The following RPL23A variants were observed in gnomAD, a reference collection of about 807,000 sequenced individuals.
RPL23A encodes the protein ribosomal protein L23a.
RPL23A carries 2 observed loss-of-function variants against 17.6 expected under a neutral mutation model. That is an observed-to-expected ratio of 0.11 (90% CI 0.05 to 0.36). The LOEUF is 0.36. RPL23A is among the 10% of genes least tolerant of loss of function. The probability of loss-of-function intolerance (pLI) is 1.00; values close to 1 mark genes in which losing one functional copy is unlikely to be tolerated. For synonymous variants in RPL23A, 65 were observed against 74.3 expected (o/e 0.87, Z 0.65); for missense variants, 132 against 194.4 (o/e 0.68, Z 1.91).
chr17:28,720,468 T>A (rs2034094518), intron 1 of RPL23A: 5 of 1,606,540 alleles, frequency 3.1e-6, no homozygotes, highest in Non-Finnish European at 4.3e-6. Context: ...CTGGAAAGTA[T>A]CAAGCGTTCA....
At chr17:28,723,477 G>A (rs757080864) in intron 3 of RPL23A, 94 bp from the exon 4 acceptor site, 12 of 879,702 alleles carry the variant, frequency 1.4e-5, no homozygotes, top group Non-Finnish European at 2.4e-5. Flanking sequence ...CATGAACAAA[G>A]GAACCACTGA....
intron 2 of RPL23A, 55 bp downstream of exon 2, chr17:28,720,945 T>G (rs1392524283): frequency 6.7e-7 from 1 of 1,492,580 alleles, no homozygotes; most frequent in Non-Finnish European, 9.3e-7. Context: ...CATTGGTAAT[T>G]TGGAAATTCA....
At chr17:28,721,646 G>C (rs759475652) in intron 2 of RPL23A, 15 of 152,146 alleles carry the variant, frequency 9.9e-5, no homozygotes, top group East Asian at 9.6e-4. Flanking sequence ...GGAACAGTTG[G>C]GGGGGAATGG....
In RPL23A at chr17:28,722,914, A is replaced by G; in HGVS notation, c.386+15A>G. 6.2e-7 allele frequency: 1 copy of G among 1,611,770 alleles called. No homozygotes were observed. Among genetic ancestry groups the G allele is most frequent in the Non-Finnish European group, 8.5e-7 (1 of 1,178,174 alleles). On this transcript the variant is annotated intron_variant, in intron 3 of 4. Transcript: ENST00000422514. ...ACCCTGATTCGGTGAGTTGGGCCTC[A>G]AGGGATGGGGAGCAGGCTGGACCAG...
At chr17:28,721,954 G>A (rs937044748) in intron 2 of RPL23A, 2 of 152,088 alleles carry the variant, frequency 1.3e-5, no homozygotes, top group Admixed American at 1.3e-4. Context: ...ATAAGAATTT[G>A]CTCGTGGCTG....
In RPL23A at chr17:28,723,524, G is replaced by C. The variant is rs771317020; in HGVS notation, c.387-47G>C. The C allele has an allele frequency of 1.9e-5, 26 of 1,357,792 alleles. No individual in the cohort carries two copies. The South Asian group carries it at 2.6e-4, about 13-fold the overall frequency. 84.1% of individuals were successfully genotyped at this position (1,357,792 alleles called of 1,614,324 possible). ...ACTGGAGGAGGAAGGGGGAGGGTGT[G>C]GGGGCAGTGAGGGTGGCAGGGACTA... On this transcript the variant is annotated intron_variant, in intron 3 of 4. Transcript: ENST00000422514.
In RPL23A at chr17:28,723,941, T is replaced by G; in HGVS notation, c.*60T>G. On this transcript the variant is annotated 3_prime_UTR_variant, in exon 5 of 5. Coordinates refer to ENST00000422514, the MANE Select transcript of RPL23A (RefSeq NM_000984.6). ...TATATATATCTTTTCACCATATACA[T>G]GCCTGTCTGTCAATTTCTGGTTGGG... is the stretch of plus-strand genomic sequence containing the variant. 8 of 1,230,824 alleles carry G rather than the reference T, an allele frequency of 6.5e-6. No individual in the cohort carries two copies. Among genetic ancestry groups the G allele is most frequent in the Non-Finnish European group, 9.1e-6 (8 of 881,078 alleles). 76.2% of individuals were successfully genotyped at this position (1,230,824 alleles called of 1,614,324 possible).
chr17:28,720,114 G>A, intron 1 of RPL23A, 84 bp downstream of exon 1: 1 of 1,538,872 alleles, frequency 6.5e-7, no homozygotes, highest in Non-Finnish European at 8.8e-7. Flanking sequence ...CGGCTGCTGG[G>A]CTAAGCCCTG....
At chr17:28,722,662 C>G in intron 2 of RPL23A, 61 bp from the exon 3 acceptor site, 1 of 1,422,852 alleles carries the variant, frequency 7.0e-7, no homozygotes, top group South Asian at 1.1e-5. Context: ...CCTAGGCTCT[C>G]CTGGCTCTGG....
At chr17:28,723,213 G>T in intron 3 of RPL23A, 1 of 532,884 alleles carries the variant, frequency 1.9e-6, no homozygotes, top group Non-Finnish European at 3.4e-6. Flanking sequence ...TGAGCCTTGA[G>T]GCAGGAATTA....
At chr17:28,723,755 CT>C (rs771857154) in intron 4 of RPL23A, 111 bp from the exon 5 acceptor site, 26 of 1,356,198 alleles carry the variant, frequency 1.9e-5, no homozygotes, top group Non-Finnish European at 2.5e-5. Flanking sequence ...GACTGCACCC[CT>C]ATCCTTGACA....
At chr17:28,720,147 C>T (rs2034078048) in intron 1 of RPL23A, 117 bp downstream of exon 1, 2 of 1,528,626 alleles carry the variant, frequency 1.3e-6, no homozygotes, top group Non-Finnish European at 1.8e-6. Flanking sequence ...CGGGGCTGCT[C>T]CCTGCGTTTC....
chr17:28,722,911 C>T lies in RPL23A; in HGVS notation c.386+12C>T. The T allele has an allele frequency of 1.2e-6, 2 of 1,612,124 alleles. No homozygotes were observed. Among genetic ancestry groups the T allele is most frequent in the South Asian group, 1.1e-5 (1 of 90,996 alleles). On this transcript the variant is annotated intron_variant, in intron 3 of 4. Transcript: ENST00000422514. ...AACACCCTGATTCGGTGAGTTGGGC[C>T]TCAAGGGATGGGGAGCAGGCTGGAC...
intron 2 of RPL23A, chr17:28,722,056 T>G (rs1478147145): frequency 1.3e-5 from 2 of 153,072 alleles, no homozygotes; most frequent in Non-Finnish European, 2.9e-5. Flanking sequence ...CCATCGTGGC[T>G]AACACGGTGA....
chr17:28,722,551 G>A (rs767387320), intron 2 of RPL23A, 172 bp from the exon 3 acceptor site: 2 of 770,460 alleles, frequency 2.6e-6, no homozygotes, highest in Non-Finnish European at 4.8e-6. Flanking sequence ...TTCTGCCCCT[G>A]GGATTGGGGC....
At position 28,720,702 on chromosome 17, in the gene RPL23A, C is replaced by T. The variant is rs770118283; in HGVS notation, c.26-5C>T. The T allele has an allele frequency of 4.5e-5, 73 of 1,613,966 alleles. No individual in the cohort carries two copies. The highest frequency in any genetic ancestry group is 5.8e-5 in the Non-Finnish European group (68 of 1,179,984). On this transcript the variant is annotated splice_polypyrimidine_tract_variant and splice_region_variant and intron_variant, in intron 1 of 4. Coordinates refer to ENST00000422514, the MANE Select transcript of RPL23A (RefSeq NM_000984.6). ...GCACCCACGTTTTCTTTCCTTTTCTCCCAGCTCCTGCCCCTCCTAAAGCTG... is the reference window on the plus strand; with the variant it reads ...GCACCCACGTTTTCTTTCCTTTTCTTCCAGCTCCTGCCCCTCCTAAAGCTG...
chr17:28,723,905 G>GAA lies in RPL23A; in HGVS notation c.*25_*26dup, dbSNP rs1188948180. Reference sequence around the variant, plus strand: ...AAACTGAGTCCAGCTGCCTAATTCTGAATATATATATATATATATCTTTTC... The same window carrying GAA: ...AAACTGAGTCCAGCTGCCTAATTCTGAAAATATATATATATATATATCTTTTC... On this transcript the variant is annotated 3_prime_UTR_variant, in exon 5 of 5. Transcript: ENST00000422514. 6.7e-7 allele frequency: 1 copy of GAA among 1,499,404 alleles called. No homozygotes were observed. The highest frequency in any genetic ancestry group is 1.7e-5 in the Admixed American group (1 of 58,034). 92.9% of individuals were successfully genotyped at this position (1,499,404 alleles called of 1,614,324 possible). A position where few individuals can be genotyped will look rare whatever the true frequency, so the allele number is the denominator to read the frequency against.
At chr17:28,723,770 C>T (rs954216735) in intron 4 of RPL23A, 97 bp from the exon 5 acceptor site, 2 of 1,392,018 alleles carry the variant, frequency 1.4e-6, no homozygotes, top group African/African-American at 2.8e-5. Context: ...CTTGACAAAC[C>T]TTATCCTCAC....
In RPL23A at chr17:28,724,306, C is replaced by G. The variant is rs971863796; in HGVS notation, c.*425C>G. The G allele has an allele frequency of 1.4e-6, 1 of 708,544 alleles. No homozygotes were observed. Among genetic ancestry groups the G allele is most frequent in the African/African-American group, 1.8e-5 (1 of 56,638 alleles). 43.9% of individuals were successfully genotyped at this position (708,544 alleles called of 1,614,324 possible). ...CACCCATCTACTATGTCCAACCGGT[C>G]TGTCTGCTTCCCTCACCCCTTGCCC... is the stretch of plus-strand genomic sequence containing the variant. On this transcript the variant is annotated 3_prime_UTR_variant, in exon 5 of 5. Transcript: ENST00000422514.
Sources: allele counts gnomAD v4.1 joint callset, GRCh38; gene constraint gnomAD v4.1.1; transcripts MANE v1.5; gene names NCBI Gene and HGNC (gene_info 2026-07-23, HGNC 2026-07-21).